Variants in SLC71A2 observed in about 807,000 individuals in gnomAD.
SLC71A2 encodes the protein solute carrier family 71 member 2.
At chr9:94,451,493 T>C in the SLC71A2 span, 5 of 1,574,854 alleles carry the variant, frequency 3.2e-6, no homozygotes, top group African/African-American at 1.4e-5. Context: ...GCAGCATTCA[T>C]AGCTATGGTA....
At chr9:94,408,311 C>T in the SLC71A2 span, among the ~76,000 whole-genome samples, 2 of 152,244 alleles carry the variant, frequency 1.3e-5, no homozygotes, top group African/African-American at 4.8e-5. Context: ...GACTTAACCC[C>T]TTTGTAAGTC....
the SLC71A2 span, among the ~76,000 whole-genome samples, chr9:94,439,045 G>A: frequency 1.1e-3 from 49 of 42,634 alleles, no homozygotes; most frequent in South Asian, 5.6e-3. Context: ...TTTTGGAGAC[G>A]GAGTCTTGCC....
the SLC71A2 span, among the ~76,000 whole-genome samples, chr9:94,451,997 G>A: frequency 6.6e-6 from 1 of 152,216 alleles, no homozygotes; most frequent in Admixed American, 6.5e-5. Context: ...CCTTGCACCA[G>A]CATCATCTGC....
chr9:94,434,403 G>C, the SLC71A2 span, among the ~76,000 whole-genome samples: 1 of 152,118 alleles, frequency 6.6e-6, no homozygotes, highest in Non-Finnish European at 1.5e-5. Flanking sequence ...GCAACTCCCC[G>C]CTGTCCGGGT....
chr9:94,453,877 G>A, the SLC71A2 span: 1 of 935,278 alleles, frequency 1.1e-6, no homozygotes, highest in Non-Finnish European at 1.7e-6. Context: ...GGTCATCAGG[G>A]AAGGGTCTTC....
the SLC71A2 span, chr9:94,459,941 A>G: frequency 1.3e-5 from 2 of 153,308 alleles, no homozygotes; most frequent in African/African-American, 4.8e-5. Flanking sequence ...TCTTTGTTCA[A>G]AGGTCAAATA....
the SLC71A2 span, chr9:94,458,533 A>C: frequency 7.1e-7 from 1 of 1,416,700 alleles, no homozygotes; most frequent in Non-Finnish European, 9.9e-7. Context: ...TTGTGACCTT[A>C]AATTTGGAGA....
At chr9:94,388,681 T>C in the SLC71A2 span, among the ~76,000 whole-genome samples, 11 of 152,008 alleles carry the variant, frequency 7.2e-5, no homozygotes, top group African/African-American at 2.7e-4. Flanking sequence ...CATGGAAAAA[T>C]GTCTGGAAGG....
At chr9:94,456,248 G>A in the SLC71A2 span, 1 of 1,613,428 alleles carries the variant, frequency 6.2e-7, no homozygotes, top group Non-Finnish European at 8.5e-7. Flanking sequence ...AGGATGATGT[G>A]GGCAGCAGGG....
At chr9:94,433,621 T>G in the SLC71A2 span, among the ~76,000 whole-genome samples, 1 of 151,480 alleles carries the variant, frequency 6.6e-6, no homozygotes, top group Admixed American at 6.6e-5. Flanking sequence ...TAGACACGAT[T>G]TACAGACTTT....
chr9:94,434,728 T>C, the SLC71A2 span, among the ~76,000 whole-genome samples: 329 of 152,352 alleles, frequency 2.2e-3, no homozygotes, highest in African/African-American at 7.2e-3. Context: ...CATTCACTTA[T>C]AATAACTCTA....
the SLC71A2 span, among the ~76,000 whole-genome samples, chr9:94,432,194 A>G: frequency 7.6e-3 from 1,132 of 149,112 alleles, 10 homozygotes; most frequent in Middle Eastern, 0.045. Flanking sequence ...AGAAAGACAC[A>G]TTGCATTAAA....
chr9:94,386,881 G>C, the SLC71A2 span, among the ~76,000 whole-genome samples: 18 of 152,088 alleles, frequency 1.2e-4, no homozygotes, highest in Non-Finnish European at 2.2e-4. Context: ...GTTAAAGATT[G>C]ATTTTGTGGC....
the SLC71A2 span, among the ~76,000 whole-genome samples, chr9:94,382,001 T>G: frequency 6.6e-6 from 1 of 152,060 alleles, no homozygotes; most frequent in Non-Finnish European, 1.5e-5. Context: ...CTATGGCTAG[T>G]GGCATTCAGT....
the SLC71A2 span, among the ~76,000 whole-genome samples, chr9:94,416,425 C>T: frequency 6.6e-6 from 1 of 152,190 alleles, no homozygotes; most frequent in Non-Finnish European, 1.5e-5. Flanking sequence ...AAGAATCCCT[C>T]TGGGTACGGA....
chr9:94,450,998 C>T, the SLC71A2 span, among the ~76,000 whole-genome samples: 2 of 152,174 alleles, frequency 1.3e-5, no homozygotes, highest in African/African-American at 2.4e-5. Flanking sequence ...GGTCTTCCAG[C>T]ATCTCACTGC....
the SLC71A2 span, among the ~76,000 whole-genome samples, chr9:94,452,306 T>C: frequency 1.3e-5 from 2 of 152,026 alleles, no homozygotes; most frequent in African/African-American, 2.4e-5. Flanking sequence ...TTAAAACATA[T>C]TCAGTGAGGG....
the SLC71A2 span, among the ~76,000 whole-genome samples, chr9:94,404,303 T>TAA: frequency 1.3e-5 from 2 of 152,114 alleles, no homozygotes; most frequent in Non-Finnish European, 2.9e-5. Context: ...TTCTCTTTTT[T>TAA]GTTTTTTTGG....
the SLC71A2 span, among the ~76,000 whole-genome samples, chr9:94,400,857 T>C: frequency 5.3e-5 from 8 of 152,200 alleles, no homozygotes; most frequent in Non-Finnish European, 1.2e-4. Context: ...AAGTGTCCTG[T>C]GCTTCATCCA....
Sources: allele counts gnomAD v4.1 joint callset (sites outside exome capture counted in the v4.1 genomes callset), GRCh38; gene constraint gnomAD v4.1.1; transcripts MANE v1.5; gene names NCBI Gene and HGNC (gene_info 2026-07-23, HGNC 2026-07-21).